Variants in PCDHGB6 observed in about 807,000 individuals in gnomAD.
PCDHGB6 encodes protocadherin gamma-B6.
PCDHGB6 carries 51 observed loss-of-function variants against 59.1 expected under a neutral mutation model. That is an observed-to-expected ratio of 0.86 (90% confidence interval 0.69 to 1.09). The LOEUF (loss-of-function observed/expected upper bound fraction) is 1.09. Ranked by LOEUF, PCDHGB6 falls within the 50% of genes least tolerant of loss-of-function variation. The pLI is 0.00. For synonymous variants in PCDHGB6, 466 were observed against 495.1 expected (o/e 0.94, Z 0.78); for missense variants, 1,148 against 1,205.1 (o/e 0.95, Z 0.70).
intron 1 of PCDHGB6, chr5:141,421,770 G>A: frequency 6.2e-7 from 1 of 1,613,856 alleles, no homozygotes; most frequent in Non-Finnish European, 8.5e-7. Context: ...ACTTTTCCTT[G>A]CAACTGCGGG....
intron 1 of PCDHGB6, chr5:141,426,591 A>G: frequency 1.4e-5 from 5 of 369,676 alleles, no homozygotes; most frequent in South Asian, 7.9e-5. Context: ...CCTCTGTGTC[A>G]TACCCTTAGA....
At chr5:141,464,944 G>T (rs1379789566) in intron 1 of PCDHGB6, among the ~76,000 whole-genome samples, 1 of 151,826 alleles carries the variant, frequency 6.6e-6, no homozygotes, top group African/African-American at 2.4e-5. Context: ...GTCTCACTAT[G>T]TTGCCCAGGC....
rs532490777 is a variant in PCDHGB6, at chr5:141,487,782, T to C, written c.2419-7025T>C. 7.2e-6 allele frequency: 11 copies of C among 1,525,744 alleles called. No homozygotes were observed. The South Asian group carries it at 1.2e-4, about 17-fold the overall frequency. The allele number at this position is 1,525,744 out of a possible 1,614,324, so 94.5% of individuals were successfully genotyped here. ...GACGCTGTGCTTTGTAACTGTTTCGTGAATTAACCAGAGTTGTCACAGTTT... is the reference window on the plus strand; with the variant it reads ...GACGCTGTGCTTTGTAACTGTTTCGCGAATTAACCAGAGTTGTCACAGTTT... On this transcript the variant is annotated intron_variant, in intron 1 of 3. Coordinates refer to ENST00000520790, the MANE Select transcript of PCDHGB6 (RefSeq NM_018926.3). This position sits in a 1 kb window ranked among gnomAD's most constrained non-coding sequence, Gnocchi z 5.0.
intron 1 of PCDHGB6, among the ~76,000 whole-genome samples, chr5:141,473,298 A>G (rs1033516450): frequency 1.3e-5 from 2 of 152,244 alleles, no homozygotes; most frequent in Non-Finnish European, 2.9e-5. Context: ...AGTAGCATAA[A>G]GATTGCTATA....
intron 1 of PCDHGB6, chr5:141,414,764 A>G: frequency 6.2e-7 from 1 of 1,614,194 alleles, no homozygotes; most frequent in Non-Finnish European, 8.5e-7. Flanking sequence ...GAGCAGTTTC[A>G]TGAGCTACAG....
chr5:141,466,984 C>A (rs2099133455), intron 1 of PCDHGB6, among the ~76,000 whole-genome samples: 1 of 151,586 alleles, frequency 6.6e-6, no homozygotes, highest in Non-Finnish European at 1.5e-5. Context: ...CATCATTTAC[C>A]TTTTGGCATT....
chr5:141,423,970 A>C, intron 1 of PCDHGB6: 1 of 1,143,228 alleles, frequency 8.7e-7, no homozygotes, highest in Non-Finnish European at 1.1e-6. Flanking sequence ...TTCTATTATC[A>C]GTGTATGAGG....
Position 141,510,363 on chromosome 5 carries a change from G to A in PCDHGB6, c.2567-584G>A, listed in dbSNP as rs973832487. Among the ~76,000 whole-genome samples the A allele has an allele frequency of 7.8e-5, 11 of 141,564 alleles. No individual in the cohort carries two copies. In the East Asian group the frequency reaches 1.6e-3, roughly 21 times the overall value. 92.9% of individuals were successfully genotyped at this position (141,564 alleles called of 152,430 possible). The stretch of plus-strand genomic sequence containing the variant: ...CCACACACTTACTAACGGAACTACC[G>A]AATCTCTACTCGTGCCAGGCCTTGC... On this transcript the variant is annotated intron_variant, in intron 3 of 3. Coordinates refer to ENST00000520790, the MANE Select transcript of PCDHGB6 (RefSeq NM_018926.3).
At chr5:141,456,899 G>T (rs1592472053) in intron 1 of PCDHGB6, among the ~76,000 whole-genome samples, 1 of 152,212 alleles carries the variant, frequency 6.6e-6, no homozygotes, top group East Asian at 1.9e-4. Context: ...GGAGGCAGAG[G>T]TTGCAGTGAG....
chr5:141,418,586 A>C lies in PCDHGB6; in HGVS notation c.2418+7966A>C, dbSNP rs1422171892. ...TGCCAATGACAACCCCCCAGTGTTC[A>C]GCCAGGACGTGTACAGGGTTAGCCT... On this transcript the variant is annotated intron_variant, in intron 1 of 3. Transcript: ENST00000520790. The C allele has an allele frequency of 1.9e-6, 3 of 1,613,930 alleles. No individual in the cohort carries two copies. In the Admixed American group the frequency reaches 5.0e-5, roughly 27 times the overall value.
intron 1 of PCDHGB6, chr5:141,423,228 C>T (rs1321708353): frequency 6.2e-7 from 1 of 1,613,748 alleles, no homozygotes; most frequent in Non-Finnish European, 8.5e-7. Flanking sequence ...CTGTGGCCGA[C>T]AGCATCCCCG....
chr5:141,500,554 C>A (rs2099801320), intron 2 of PCDHGB6, among the ~76,000 whole-genome samples: 1 of 152,212 alleles, frequency 6.6e-6, no homozygotes, highest in Admixed American at 6.5e-5. Context: ...AAGTTGTTCA[C>A]AAACTTGTCA....
chr5:141,416,452 A>T (rs2154546483), intron 1 of PCDHGB6: 1 of 152,342 alleles, frequency 6.6e-6, no homozygotes, highest in African/African-American at 2.4e-5. Flanking sequence ...ATGGGTTGGG[A>T]AGACAGATAA....
chr5:141,486,401 G>T lies in PCDHGB6; in HGVS notation c.2419-8406G>T. 6.2e-7 allele frequency: 1 copy of T among 1,614,174 alleles called. No individual in the cohort carries two copies. On this transcript the variant is annotated intron_variant, in intron 1 of 3. Transcript: ENST00000520790. The surrounding 1 kb of genome is among the most constrained non-coding windows in gnomAD (Gnocchi z 5.0). ...CAGGAACCAGTTCTCCCTGGTGACT[G>T]CTGGACCCTTGGATCGAGAGGCCAA...
chr5:141,434,092 A>C (rs1333686339), intron 1 of PCDHGB6, among the ~76,000 whole-genome samples: 1 of 152,172 alleles, frequency 6.6e-6, no homozygotes, highest in Non-Finnish European at 1.5e-5. Context: ...TTTGATGCTG[A>C]AATTGTCCCA....
In PCDHGB6 at chr5:141,476,833, C is replaced by T. The variant is rs746365316; in HGVS notation, c.2419-17974C>T. 1.4e-5 allele frequency: 23 copies of T among 1,613,524 alleles called. No homozygotes were observed. Among genetic ancestry groups the T allele is most frequent in the Non-Finnish European group, 1.9e-5 (23 of 1,180,050 alleles). On this transcript the variant is annotated intron_variant, in intron 1 of 3. Coordinates refer to ENST00000520790, the MANE Select transcript of PCDHGB6 (RefSeq NM_018926.3). The surrounding 1 kb of genome is among the most constrained non-coding windows in gnomAD (Gnocchi z 7.6). Reference sequence around the variant, plus strand: ...ACATCAAGGTGCTGGACGCGAATGACAATGCGCCTGTCTTCAACCAGTCCT... The same window carrying T: ...ACATCAAGGTGCTGGACGCGAATGATAATGCGCCTGTCTTCAACCAGTCCT...
chr5:141,432,560 A>C lies in PCDHGB6; in HGVS notation c.2418+21940A>C. The C allele has an allele frequency of 2.5e-6, 4 of 1,613,600 alleles. No individual in the cohort carries two copies. Among genetic ancestry groups the C allele is most frequent in the Non-Finnish European group, 3.4e-6 (4 of 1,179,962 alleles). ...GGCGGTGGACAGAGACTCCGGCCAG[A>C]ACGCCTGGCTGTCCTACCGTCTGCT... On this transcript the variant is annotated intron_variant, in intron 1 of 3. Transcript: ENST00000520790. The surrounding 1 kb of genome is among the most constrained non-coding windows in gnomAD (Gnocchi z 6.0).
In PCDHGB6 at chr5:141,410,481, G is replaced by C; in HGVS notation, c.2279G>C (p.Gly760Ala). Residue 760 changes from glycine to alanine, a missense_variant, in exon 1 of 4, where the codon GGT becomes GCT. Physicochemically the swap from Gly to Ala is moderately conservative, Grantham distance 60. Transcript: ENST00000520790. ...YSYNLCIAHT[G>A]TKEFNFLKCS... ...TATAATCTGTGCATTGCACATACGGGTACAAAAGAGTTTAATTTCCTAAAA... is the reference window on the plus strand; with the variant it reads ...TATAATCTGTGCATTGCACATACGGCTACAAAAGAGTTTAATTTCCTAAAA... The C allele has an allele frequency of 6.2e-7, 1 of 1,613,966 alleles. No homozygotes were observed. Among genetic ancestry groups the C allele is most frequent in the Non-Finnish European group, 8.5e-7 (1 of 1,179,896 alleles).
At chr5:141,413,958 G>C in intron 1 of PCDHGB6, 1 of 1,613,392 alleles carries the variant, frequency 6.2e-7, no homozygotes, top group African/African-American at 1.3e-5. Flanking sequence ...ATTTGCCTGT[G>C]GGCACTCAGC....
Sources: allele counts gnomAD v4.1 joint callset (sites outside exome capture counted in the v4.1 genomes callset), GRCh38; gene constraint gnomAD v4.1.1; non-coding constraint Gnocchi (gnomAD v3.1); transcripts MANE v1.5; gene names NCBI Gene and HGNC (gene_info 2026-07-23, HGNC 2026-07-21).